The following TCF12 variants were observed in gnomAD, a reference collection of about 807,000 sequenced individuals.
TCF12 encodes the protein DNA-binding protein HTF4.
Under a neutral mutation model 86.0 loss-of-function variants are expected in TCF12, and 45 were observed. The ratio of observed to expected loss-of-function variants is 0.52; its 90% confidence interval spans 0.41 to 0.67. The LOEUF is 0.67. Ranked by LOEUF, TCF12 falls within the 30% of genes least tolerant of loss-of-function variation. The pLI, the probability that TCF12 is intolerant of heterozygous loss-of-function variation, is 0.00. For synonymous variants in TCF12, 330 were observed against 299.6 expected, an observed-to-expected ratio of 1.10 and a Z score of -1.05; for missense variants, 881 against 859.9, an observed-to-expected ratio of 1.02 and a Z score of -0.31.
chr15:57,089,420 C>G (rs577355202), intron 4 of TCF12, among the ~76,000 whole-genome samples: 1 of 152,160 alleles, frequency 6.6e-6, no homozygotes, highest in South Asian at 2.1e-4. Context: ...CTGTGAAAAT[C>G]CCAGTCATTA....
At chr15:57,223,702 A>G (rs1261839064) in intron 8 of TCF12, among the ~76,000 whole-genome samples, 2 of 128,996 alleles carry the variant, frequency 1.6e-5, no homozygotes, top group East Asian at 4.8e-4. Context: ...GTAAAATTAC[A>G]TTGTAAATAC....
intron 16 of TCF12, among the ~76,000 whole-genome samples, chr15:57,260,715 T>G (rs1373553691): frequency 6.6e-6 from 1 of 152,160 alleles, no homozygotes; most frequent in African/African-American, 2.4e-5. Flanking sequence ...AGCCGTATAT[T>G]ATGTTTGCCC....
At chr15:57,234,264 C>G (rs2059291594) in intron 12 of TCF12, among the ~76,000 whole-genome samples, 157 bp downstream of exon 12, 1 of 152,102 alleles carries the variant, frequency 6.6e-6, no homozygotes, top group Admixed American at 6.5e-5. Context: ...GATATATGCC[C>G]TTAAATGCTA....
intron 3 of TCF12, among the ~76,000 whole-genome samples, chr15:56,939,010 A>G (rs1227628016): frequency 1.3e-5 from 2 of 152,046 alleles, no homozygotes; most frequent in African/African-American, 2.4e-5. Flanking sequence ...CTGCTTTTCA[A>G]TCTGAATTGT....
intron 3 of TCF12, among the ~76,000 whole-genome samples, chr15:56,926,957 T>C (rs2060041724): frequency 6.6e-6 from 1 of 152,196 alleles, no homozygotes; most frequent in Admixed American, 6.5e-5. Flanking sequence ...AAGGCATTTA[T>C]TTACTTTGGA....
chr15:57,235,595 T>G (rs1178061415), intron 12 of TCF12, among the ~76,000 whole-genome samples: 1 of 152,198 alleles, frequency 6.6e-6, no homozygotes, highest in Non-Finnish European at 1.5e-5. Context: ...GAAAATGACC[T>G]ATTTAGGAAG....
chr15:57,026,752 C>A (rs1349075268), intron 3 of TCF12, among the ~76,000 whole-genome samples: 1 of 151,854 alleles, frequency 6.6e-6, no homozygotes, highest in Non-Finnish European at 1.5e-5. Context: ...ATATAACATA[C>A]ATACAGTCAT....
chr15:56,949,197 G>A (rs2061153190), intron 3 of TCF12, among the ~76,000 whole-genome samples: 1 of 152,076 alleles, frequency 6.6e-6, no homozygotes, highest in East Asian at 1.9e-4. Context: ...GCATTACTCT[G>A]TACGCTAATT....
intron 3 of TCF12, among the ~76,000 whole-genome samples, chr15:57,058,862 G>C (rs1336214003): frequency 6.6e-6 from 1 of 152,060 alleles, no homozygotes; most frequent in East Asian, 1.9e-4. Flanking sequence ...TCTAAAATGT[G>C]AAAAATACAA....
chr15:57,256,130 C>T (rs1053376521), intron 16 of TCF12, among the ~76,000 whole-genome samples: 1 of 152,208 alleles, frequency 6.6e-6, no homozygotes, highest in African/African-American at 2.4e-5. Flanking sequence ...AGTCAGTATT[C>T]ATCTCCTGTC....
At chr15:56,964,685 ATGTGTTG>A (rs1376890257) in intron 3 of TCF12, among the ~76,000 whole-genome samples, 1 of 152,082 alleles carries the variant, frequency 6.6e-6, no homozygotes, top group Non-Finnish European at 1.5e-5. Flanking sequence ...ATTTTTGTTT[ATGTGTTG>A]TGTGTTGAAC....
At chr15:57,282,803 A>C (rs1800691804) in intron 20 of TCF12, among the ~76,000 whole-genome samples, 1 of 152,218 alleles carries the variant, frequency 6.6e-6, no homozygotes. Context: ...CATTTTCTTC[A>C]AAGTGTGGCA....
At chr15:56,955,035 G>C (rs1262846688) in intron 3 of TCF12, among the ~76,000 whole-genome samples, 1 of 152,148 alleles carries the variant, frequency 6.6e-6, no homozygotes, top group Non-Finnish European at 1.5e-5. Context: ...GTATGACCCA[G>C]CCATCCCATT....
At chr15:56,946,929 C>G (rs959593016) in intron 3 of TCF12, among the ~76,000 whole-genome samples, 1 of 151,132 alleles carries the variant, frequency 6.6e-6, no homozygotes, top group East Asian at 2.0e-4. Context: ...TCCCAAGTTG[C>G]TAGGATTACA....
At chr15:57,112,523 CTGTATAGCAA>C (rs1303546402) in intron 5 of TCF12, among the ~76,000 whole-genome samples, 11 of 152,106 alleles carry the variant, frequency 7.2e-5, no homozygotes, top group African/African-American at 2.7e-4. Context: ...ACTTAGATTG[CTGTATAGCAA>C]TCTAAGGAGT....
intron 6 of TCF12, among the ~76,000 whole-genome samples, chr15:57,183,693 A>T (rs2056496153): frequency 6.6e-6 from 1 of 152,006 alleles, no homozygotes; most frequent in African/African-American, 2.4e-5. Flanking sequence ...AAAAAATGAA[A>T]CTGAGTTTTT....
intron 6 of TCF12, among the ~76,000 whole-genome samples, chr15:57,183,256 A>G (rs1390681286): frequency 2.0e-5 from 3 of 152,150 alleles, no homozygotes; most frequent in African/African-American, 7.2e-5. Flanking sequence ...GTATATACAC[A>G]TTCCTTTTCT....
At chr15:57,007,921 TTTG>T (rs1320703509) in intron 3 of TCF12, among the ~76,000 whole-genome samples, 5 of 133,414 alleles carry the variant, frequency 3.7e-5, no homozygotes, top group Non-Finnish European at 3.3e-5. Context: ...TTCCTCTTTC[TTTG>T]TTTCTTTGTT....
chr15:57,066,872 ATTCT>A (rs1190995206), intron 4 of TCF12, among the ~76,000 whole-genome samples: 3 of 152,216 alleles, frequency 2.0e-5, no homozygotes, highest in Non-Finnish European at 2.9e-5. Flanking sequence ...GATTGAACTT[ATTCT>A]TTATTTAATA....
Sources: gnomAD v4.1 joint callset for allele counts (sites outside exome capture counted in the v4.1 genomes callset) on GRCh38, gnomAD v4.1.1 for gene constraint, MANE v1.5 for transcripts, NCBI Gene and HGNC (gene_info 2026-07-23, HGNC 2026-07-21) for gene names.